Variants in NLGN1 observed in about 807,000 individuals in gnomAD.
The protein encoded by NLGN1 is neuroligin 1, also known as neuroligin-1.
A neutral mutation model predicts 65.5 loss-of-function variants in NLGN1; 12 were observed. That is an observed-to-expected ratio of 0.18 (90% CI 0.12 to 0.30). NLGN1 has a LOEUF of 0.30. Among genes scored for constraint, NLGN1 ranks in the 10% least tolerant of loss-of-function variants. The pLI is 1.00. For synonymous variants in NLGN1, 350 were observed against 359.5 expected, an observed-to-expected ratio of 0.97 and a Z score of 0.30; for missense variants, 750 against 1,007.1, an observed-to-expected ratio of 0.74 and a Z score of 3.46.
chr3:173,731,734 T>C (rs1292932482), intron 3 of NLGN1, among the ~76,000 whole-genome samples: 1 of 152,010 alleles, frequency 6.6e-6, no homozygotes, highest in Non-Finnish European at 1.5e-5. Flanking sequence ...AAAAAATAAT[T>C]CACCTAGAAC....
At chr3:173,728,012 T>C (rs1560247759) in intron 3 of NLGN1, among the ~76,000 whole-genome samples, 1 of 152,106 alleles carries the variant, frequency 6.6e-6, no homozygotes, top group African/African-American at 2.4e-5. Flanking sequence ...TGGTGAATCA[T>C]TGATGGCTTG....
chr3:173,595,776 T>C (rs1004852943), intron 2 of NLGN1, among the ~76,000 whole-genome samples: 6 of 152,180 alleles, frequency 3.9e-5, no homozygotes, highest in Admixed American at 1.3e-4. Flanking sequence ...AAAAGGCACT[T>C]CTTATGTGGT....
At chr3:174,245,918 C>G (rs1743695414) in intron 4 of NLGN1, among the ~76,000 whole-genome samples, 1 of 152,186 alleles carries the variant, frequency 6.6e-6, no homozygotes. Context: ...TACCTGGAGA[C>G]TGACATCAAA....
At chr3:174,005,834 A>C (rs903750694) in intron 4 of NLGN1, among the ~76,000 whole-genome samples, 1 of 152,072 alleles carries the variant, frequency 6.6e-6, no homozygotes, top group Non-Finnish European at 1.5e-5. Context: ...TATGTCGTCT[A>C]TCTGTGTCCT....
intron 3 of NLGN1, among the ~76,000 whole-genome samples, chr3:173,793,634 T>G (rs71310561): frequency 0.15 from 22,069 of 152,114 alleles, 1,892 homozygotes; most frequent in African/African-American, 0.24. Context: ...ATTTCAGAAG[T>G]GCTACAGTCT....
intron 4 of NLGN1, among the ~76,000 whole-genome samples, chr3:174,137,715 T>C (rs1315246797): frequency 6.6e-6 from 1 of 152,180 alleles, no homozygotes; most frequent in Non-Finnish European, 1.5e-5. Context: ...TTGATATGTC[T>C]TTGTGGGAAA....
intron 2 of NLGN1, among the ~76,000 whole-genome samples, chr3:173,445,801 G>T (rs1442581420): frequency 6.6e-6 from 1 of 152,152 alleles, no homozygotes; most frequent in Non-Finnish European, 1.5e-5. Context: ...AGAAGACAGG[G>T]AAGTTTGGGA....
chr3:173,706,837 GCACA>G (rs149787928), intron 3 of NLGN1, among the ~76,000 whole-genome samples: 1 of 152,068 alleles, frequency 6.6e-6, no homozygotes, highest in Admixed American at 6.6e-5. Context: ...GTGCACGCAC[GCACA>G]CACACACATC....
chr3:174,046,949 A>G (rs1733744564), intron 4 of NLGN1, among the ~76,000 whole-genome samples: 1 of 152,036 alleles, frequency 6.6e-6, no homozygotes, highest in Non-Finnish European at 1.5e-5. Flanking sequence ...TTAAAAATAA[A>G]TCTACATTGA....
chr3:173,673,664 G>C (rs74411797), intron 3 of NLGN1, among the ~76,000 whole-genome samples: 38 of 152,238 alleles, frequency 2.5e-4, no homozygotes, highest in Non-Finnish European at 4.4e-4. Flanking sequence ...TAAATATCTT[G>C]TTAATGTTAT....
chr3:174,058,681 A>C (rs1736717598), intron 4 of NLGN1, among the ~76,000 whole-genome samples: 1 of 152,032 alleles, frequency 6.6e-6, no homozygotes, highest in Non-Finnish European at 1.5e-5. Context: ...GTCTCTTATT[A>C]TTTTACCTGA....
intron 4 of NLGN1, among the ~76,000 whole-genome samples, chr3:174,114,096 A>G (rs931074955): frequency 6.6e-6 from 1 of 152,158 alleles, no homozygotes; most frequent in African/African-American, 2.4e-5. Flanking sequence ...TGTCCAACAT[A>G]TGTTAAATAG....
chr3:173,564,153 T>C (rs1743251181), intron 2 of NLGN1, among the ~76,000 whole-genome samples: 1 of 152,266 alleles, frequency 6.6e-6, no homozygotes, highest in Non-Finnish European at 1.5e-5. Context: ...CTGCACTCAC[T>C]GTTCCATATT....
chr3:174,001,898 A>C (rs2152427961), intron 4 of NLGN1, among the ~76,000 whole-genome samples: 1 of 152,220 alleles, frequency 6.6e-6, no homozygotes, highest in African/African-American at 2.4e-5. Flanking sequence ...ACCTCCAAAC[A>C]AATAATTTTC....
chr3:174,066,552 CTCTCTCTCTCTCTGTG>C (rs1441025399), intron 4 of NLGN1, among the ~76,000 whole-genome samples: 1 of 115,658 alleles, frequency 8.6e-6, no homozygotes, highest in Admixed American at 8.4e-5. Context: ...CTCTCTCTCT[CTCTCTCTCTCTCTGTG>C]TGTGTGTGTG....
chr3:173,459,372 G>A (rs777667944), intron 2 of NLGN1, among the ~76,000 whole-genome samples: 5 of 152,094 alleles, frequency 3.3e-5, no homozygotes, highest in African/African-American at 4.8e-5. Context: ...ATGTGTGCAT[G>A]CACATACACA....
Position 173,399,231 on chromosome 3 carries a change from G to T in NLGN1, c.-390+744G>T, listed in dbSNP as rs568471916. Among the ~76,000 whole-genome samples, 5 of 152,298 alleles carry T rather than the reference G, an allele frequency of 3.3e-5. No homozygotes were observed. In the South Asian group the frequency reaches 1.0e-3, roughly 32 times the overall value. ...TGATTACATGGTTTGATTAAAAGAA[G>T]TAACTGTTTTCTGTAAGCCTGCTAT... On this transcript the variant is annotated intron_variant, in intron 1 of 6. Transcript: ENST00000457714.
At chr3:173,401,548 T>C (rs966957813) in intron 1 of NLGN1, among the ~76,000 whole-genome samples, 2 of 151,814 alleles carry the variant, frequency 1.3e-5, no homozygotes, top group Admixed American at 6.6e-5. Flanking sequence ...TTGTGTCTTT[T>C]TTTATGGTGT....
At chr3:174,040,991 A>T (rs542088303) in intron 4 of NLGN1, among the ~76,000 whole-genome samples, 1 of 152,236 alleles carries the variant, frequency 6.6e-6, no homozygotes, top group African/African-American at 2.4e-5. Context: ...TTTTCTTTTG[A>T]TATAAAATAT....
Sources: allele counts gnomAD v4.1 joint callset (sites outside exome capture counted in the v4.1 genomes callset), GRCh38; gene constraint gnomAD v4.1.1; transcripts MANE v1.5; gene names NCBI Gene and HGNC (gene_info 2026-07-23, HGNC 2026-07-21).